The following CFAP52 variants were observed in gnomAD, a reference collection of about 807,000 sequenced individuals.
The protein encoded by CFAP52 is cilia and flagella associated protein 52, also known as cilia- and flagella-associated protein 52.
CFAP52 carries 57 observed loss-of-function variants against 70.5 expected under a neutral mutation model. The observed-to-expected ratio is 0.81, with a 90% confidence interval of 0.65 to 1.01. The LOEUF is 1.01. Among genes scored for constraint, CFAP52 ranks in the 50% least tolerant of loss-of-function variants. CFAP52 has a pLI of 0.00. For synonymous variants in CFAP52, 267 were observed against 292.5 expected (o/e 0.91, Z 0.89); for missense variants, 785 against 788.5 (o/e 1.00, Z 0.05).
chr17:9,589,708 G>A (rs1230058257), intron 3 of CFAP52, among the ~76,000 whole-genome samples: 3 of 145,554 alleles, frequency 2.1e-5, no homozygotes, highest in Admixed American at 7.1e-5. Flanking sequence ...ACTCCAGCCT[G>A]GGGACAAGAG....
At chr17:9,591,137 A>C (rs1298014088) in intron 3 of CFAP52, among the ~76,000 whole-genome samples, 1 of 140,470 alleles carries the variant, frequency 7.1e-6, no homozygotes, top group African/African-American at 2.7e-5. Flanking sequence ...TCCCAGGTTC[A>C]AGCGATTCTC....
intron 9 of CFAP52, among the ~76,000 whole-genome samples, chr17:9,629,376 A>T (rs535032091): frequency 1.3e-5 from 2 of 152,302 alleles, no homozygotes; most frequent in South Asian, 4.1e-4. Flanking sequence ...GAAAGTACAC[A>T]TACTGCTTCA....
intron 8 of CFAP52, among the ~76,000 whole-genome samples, chr17:9,615,572 TG>T (rs1170355969): frequency 6.6e-6 from 1 of 152,126 alleles, no homozygotes; most frequent in African/African-American, 2.4e-5. Context: ...GCATACAACT[TG>T]GAAACTATCT....
At chr17:9,585,208 A>G (rs1016290770) in intron 1 of CFAP52, among the ~76,000 whole-genome samples, 3 of 152,142 alleles carry the variant, frequency 2.0e-5, no homozygotes, top group Non-Finnish European at 4.4e-5. Context: ...AGAAATACAG[A>G]ATCTCAACCC....
chr17:9,589,338 A>G (rs758588142), intron 3 of CFAP52, among the ~76,000 whole-genome samples: 1 of 152,200 alleles, frequency 6.6e-6, no homozygotes, highest in Non-Finnish European at 1.5e-5. Flanking sequence ...TTCTCTTACT[A>G]TATAGCAAGT....
Position 9,628,789 on chromosome 17 carries a change from C to T in CFAP52, c.1143C>T (p.Asp381=), listed in dbSNP as rs117569464. ...TVPNMTCHGI[D]FMRDGKSIIS... Reference sequence around the variant, plus strand: ...CCAACATGACCTGCCACGGCATCGACTTCATGAGGGACGGCAAAAGCATCA... The same window carrying T: ...CCAACATGACCTGCCACGGCATCGATTTCATGAGGGACGGCAAAAGCATCA... Residue 381 remains aspartate (D), a synonymous_variant, in exon 9 of 14, where the codon GAC becomes GAT. Coordinates refer to ENST00000352665, the MANE Select transcript of CFAP52 (RefSeq NM_145054.5). 6.2e-7 allele frequency: 1 copy of T among 1,614,156 alleles called. No individual in the cohort carries two copies. The highest frequency in any genetic ancestry group is 1.1e-5 in the South Asian group (1 of 91,082).
chr17:9,643,211 G>A lies in CFAP52; in HGVS notation c.*13G>A. The A allele has an allele frequency of 3.1e-6, 5 of 1,592,800 alleles. No individual in the cohort carries two copies. The highest frequency in any genetic ancestry group is 2.6e-6 in the Non-Finnish European group (3 of 1,168,172). Reference sequence around the variant, plus strand: ...ATATACCTCCTGAAGCTGATGAGATGTCTCTGAGCCTTGGCGTTGCACGCA... The same window carrying A: ...ATATACCTCCTGAAGCTGATGAGATATCTCTGAGCCTTGGCGTTGCACGCA... On this transcript the variant is annotated 3_prime_UTR_variant, in exon 14 of 14. Coordinates refer to ENST00000352665, the MANE Select transcript of CFAP52 (RefSeq NM_145054.5).
chr17:9,615,621 G>GT (rs138772764), intron 8 of CFAP52, among the ~76,000 whole-genome samples: 26 of 149,124 alleles, frequency 1.7e-4, no homozygotes, highest in Admixed American at 5.4e-4. Flanking sequence ...CCCTTGAATT[G>GT]TTTTTTTTTC....
In CFAP52 at chr17:9,607,866, G is replaced by A. The variant is rs560168977; in HGVS notation, c.754-253G>A. 1.1e-3 allele frequency among the ~76,000 whole-genome samples: 166 copies of A among 152,226 alleles called. 1 individual carries two copies. In the Middle Eastern group the frequency reaches 0.024, roughly 22 times the overall value. ...CTTGTTGTTGGCACTGAATCCCCTT[G>A]GTCAGCCTGGGGGTGCATCGCGAGC... On this transcript the variant is annotated intron_variant, in intron 6 of 13. Coordinates refer to ENST00000352665, the MANE Select transcript of CFAP52 (RefSeq NM_145054.5).
chr17:9,612,128 T>C (rs1410933069), intron 7 of CFAP52, among the ~76,000 whole-genome samples, 181 bp from the exon 8 acceptor site: 1 of 152,246 alleles, frequency 6.6e-6, no homozygotes, highest in Non-Finnish European at 1.5e-5. Flanking sequence ...TGCTGACCTC[T>C]GGCTTTGCTG....
intron 10 of CFAP52, among the ~76,000 whole-genome samples, chr17:9,633,355 C>A (rs1416484195): frequency 6.6e-6 from 1 of 152,084 alleles, no homozygotes; most frequent in African/African-American, 2.4e-5. Context: ...CAGGCGCACA[C>A]CGTCATGCCC....
intron 12 of CFAP52, 111 bp from the exon 13 acceptor site, chr17:9,641,613 G>A (rs540924429): frequency 4.3e-5 from 29 of 674,236 alleles, no homozygotes; most frequent in South Asian, 2.9e-4. Flanking sequence ...GTATCATCCC[G>A]TGGTGTATTT....
chr17:9,602,482 C>T (rs1261073033), intron 6 of CFAP52, among the ~76,000 whole-genome samples: 5 of 152,140 alleles, frequency 3.3e-5, no homozygotes, highest in African/African-American at 9.7e-5. Context: ...GCATAGTATT[C>T]CATGGTGTAT....
intron 9 of CFAP52, among the ~76,000 whole-genome samples, chr17:9,631,060 A>AAGAG (rs1910502559): frequency 1.1e-5 from 1 of 94,524 alleles, no homozygotes; most frequent in African/African-American, 5.3e-5. Flanking sequence ...GAGAGAAAGA[A>AAGAG]AGAAAGAAAG....
At chr17:9,616,153 G>C (rs1282532129) in intron 8 of CFAP52, among the ~76,000 whole-genome samples, 23 of 142,320 alleles carry the variant, frequency 1.6e-4, no homozygotes, top group African/African-American at 5.2e-4. Context: ...CACCGTGCGC[G>C]AGCCGAAGCA....
At chr17:9,638,799 A>T in intron 12 of CFAP52, 88 bp downstream of exon 12, 1 of 1,292,526 alleles carries the variant, frequency 7.7e-7, no homozygotes, top group Non-Finnish European at 1.1e-6. Flanking sequence ...CTCTGGAGTC[A>T]AACCACCTTG....
In CFAP52 at chr17:9,628,747, G is replaced by A; in HGVS notation, c.1101G>A (p.Leu367=). Residue 367 remains leucine (L), a synonymous_variant, in exon 9 of 14, where the codon CTG becomes CTA. Transcript: ENST00000352665. ...RVWHTSSNRE[L]LRITVPNMTC... ...GGCACACATCATCCAACAGGGAGCTGCTGCGGATCACCGTGCCCAACATGA... is the reference window on the plus strand; with the variant it reads ...GGCACACATCATCCAACAGGGAGCTACTGCGGATCACCGTGCCCAACATGA... 2 of 1,614,182 alleles carry A rather than the reference G, an allele frequency of 1.2e-6. No homozygotes were observed. Among genetic ancestry groups the A allele is most frequent in the South Asian group, 1.1e-5 (1 of 91,084 alleles).
intron 6 of CFAP52, among the ~76,000 whole-genome samples, chr17:9,607,874 T>C: frequency 6.6e-6 from 1 of 152,178 alleles, no homozygotes; most frequent in African/African-American, 2.4e-5. Context: ...TTGGTCAGCC[T>C]GGGGGTGCAT....
intron 4 of CFAP52, chr17:9,594,537 T>C: frequency 2.1e-6 from 1 of 474,602 alleles, no homozygotes; most frequent in Non-Finnish European, 3.3e-6. Flanking sequence ...CTGAAAAGAT[T>C]TTGCTTACCT....
Sources: allele counts gnomAD v4.1 joint callset (sites outside exome capture counted in the v4.1 genomes callset), GRCh38; gene constraint gnomAD v4.1.1; transcripts MANE v1.5; gene names NCBI Gene and HGNC (gene_info 2026-07-23, HGNC 2026-07-21).